PDLIM5: variants seen among roughly 807,000 people sequenced by gnomAD.
PDLIM5 encodes PDZ and LIM domain protein 5.
In PDLIM5, 34 loss-of-function variants were observed where a neutral mutation model predicts 64.2. The observed-to-expected ratio is 0.53, with a 90% confidence interval of 0.40 to 0.71. The LOEUF (loss-of-function observed/expected upper bound fraction) is 0.71, where lower values mean the gene tolerates loss of function less well. Among genes scored for constraint, PDLIM5 ranks in the 30% least tolerant of loss-of-function variants. The probability of loss-of-function intolerance (pLI) is 0.00; values close to 1 mark genes in which losing one functional copy is unlikely to be tolerated. For missense variants in PDLIM5, 683 were observed against 733.6 expected (o/e 0.93, Z 0.80); for synonymous variants, 253 against 269.1 (o/e 0.94, Z 0.59).
At chr4:94,479,792 C>T (rs1371196659) in intron 2 of PDLIM5, among the ~76,000 whole-genome samples, 1 of 152,126 alleles carries the variant, frequency 6.6e-6, no homozygotes, top group African/African-American at 2.4e-5. Context: ...TCTCTTCTCA[C>T]CCATATTGTC....
At chr4:94,524,073 A>G (rs1318141712) in intron 3 of PDLIM5, among the ~76,000 whole-genome samples, 198 bp downstream of exon 3, 1 of 152,164 alleles carries the variant, frequency 6.6e-6, no homozygotes, top group South Asian at 2.1e-4. Flanking sequence ...CCCCATCAAA[A>G]GGCATGTATT....
intron 7 of PDLIM5, chr4:94,586,957 CT>C (rs70946535): frequency 0.26 from 301,964 of 1,178,838 alleles, 3,394 homozygotes; most frequent in East Asian, 0.27. Context: ...TTCTATCACT[CT>C]TTTTTTTTTT....
chr4:94,522,961 C>T (rs1178308301), intron 2 of PDLIM5, among the ~76,000 whole-genome samples: 1 of 151,972 alleles, frequency 6.6e-6, no homozygotes, highest in East Asian at 1.9e-4. Context: ...AGTTCACTGT[C>T]ACTTAGTATA....
intron 3 of PDLIM5, among the ~76,000 whole-genome samples, chr4:94,546,104 A>G (rs1189246881): frequency 6.6e-6 from 1 of 152,190 alleles, no homozygotes; most frequent in African/African-American, 2.4e-5. Flanking sequence ...CATATTATAC[A>G]AATGATGGAT....
intron 2 of PDLIM5, among the ~76,000 whole-genome samples, chr4:94,496,083 T>G (rs1727368608): frequency 6.6e-6 from 1 of 151,908 alleles, no homozygotes; most frequent in African/African-American, 2.4e-5. Flanking sequence ...AAAACAAGGT[T>G]TGGCATTGTA....
intron 3 of PDLIM5, among the ~76,000 whole-genome samples, chr4:94,570,750 G>A (rs995215292): frequency 1.3e-5 from 2 of 152,070 alleles, no homozygotes; most frequent in African/African-American, 4.8e-5. Context: ...GATTAATGAT[G>A]TACCCTAGTG....
chr4:94,618,254 C>A, intron 8 of PDLIM5, 63 bp downstream of exon 8: 2 of 1,139,248 alleles, frequency 1.8e-6, no homozygotes, highest in Non-Finnish European at 2.5e-6. Flanking sequence ...AAAATGTGTT[C>A]TGGGATATAT....
At chr4:94,483,515 C>T (rs1726056105) in intron 2 of PDLIM5, among the ~76,000 whole-genome samples, 1 of 152,028 alleles carries the variant, frequency 6.6e-6, no homozygotes, top group South Asian at 2.1e-4. Context: ...AAGGTCCATA[C>T]TTTTGGATGG....
At chr4:94,607,970 C>A in intron 7 of PDLIM5, 3 of 839,786 alleles carry the variant, frequency 3.6e-6, no homozygotes, top group Non-Finnish European at 5.2e-6. Context: ...AACTAGTAGA[C>A]ATTTAAAAGA....
intron 3 of PDLIM5, among the ~76,000 whole-genome samples, chr4:94,554,642 A>G (rs569066098): frequency 6.4e-4 from 98 of 152,338 alleles, no homozygotes; most frequent in Non-Finnish European, 1.3e-3. Flanking sequence ...AATTTTGACA[A>G]ATGCATATGA....
At chr4:94,513,661 T>C (rs1729094209) in intron 2 of PDLIM5, among the ~76,000 whole-genome samples, 1 of 152,248 alleles carries the variant, frequency 6.6e-6, no homozygotes, top group Non-Finnish European at 1.5e-5. Flanking sequence ...TCATATCATC[T>C]GCAAATAAGG....
rs550868942 is a variant in PDLIM5 at position 94,570,890 on chromosome 4, A to G, written c.249-2461A>G. On this transcript the variant is annotated intron_variant, in intron 3 of 12. Transcript: ENST00000317968. ...GTGTGATTGTTTACGAGTTAAGTAT[A>G]TTAGATGCTTGAGGGAGTCACCAAG... Among the ~76,000 whole-genome samples, 17 of 152,310 alleles carry G rather than the reference A, an allele frequency of 1.1e-4. No homozygotes were observed. The South Asian group carries it at 3.3e-3, about 30-fold the overall frequency.
rs151283615 is a variant in PDLIM5 at position 94,594,954 on chromosome 4, A to G, written c.920+8510A>G. Reference sequence around the variant, plus strand: ...AATTTATGAGGAAGCGGTTTGATTGACTCATAGTTCCACAGGCTTAACAGG... The same window carrying G: ...AATTTATGAGGAAGCGGTTTGATTGGCTCATAGTTCCACAGGCTTAACAGG... On this transcript the variant is annotated intron_variant, in intron 7 of 12. Transcript: ENST00000317968. 7.2e-5 allele frequency among the ~76,000 whole-genome samples: 11 copies of G among 152,226 alleles called. No homozygotes were observed. In the East Asian group the frequency reaches 1.5e-3, roughly 21 times the overall value.
intron 2 of PDLIM5, among the ~76,000 whole-genome samples, chr4:94,462,494 C>T (rs1305112003): frequency 6.6e-6 from 1 of 151,556 alleles, no homozygotes. Context: ...TATTGATAGA[C>T]AATTAGATTT....
At chr4:94,555,097 A>T (rs1280848337) in intron 3 of PDLIM5, among the ~76,000 whole-genome samples, 3 of 152,080 alleles carry the variant, frequency 2.0e-5, no homozygotes, top group Non-Finnish European at 4.4e-5. Context: ...CTGTTGCCCC[A>T]GCTGGAGTGC....
chr4:94,622,253 G>A (rs909796230), intron 8 of PDLIM5, among the ~76,000 whole-genome samples: 5 of 150,546 alleles, frequency 3.3e-5, no homozygotes, highest in Non-Finnish European at 5.9e-5. Context: ...AGGTGATAGC[G>A]GATTCATCAT....
chr4:94,590,797 A>G (rs1736618302), intron 7 of PDLIM5, among the ~76,000 whole-genome samples: 1 of 152,206 alleles, frequency 6.6e-6, no homozygotes, highest in African/African-American at 2.4e-5. Flanking sequence ...GTACATAGAC[A>G]AAACACTTAT....
intron 2 of PDLIM5, chr4:94,456,486 C>T (rs750689512): frequency 4.3e-6 from 3 of 702,724 alleles, no homozygotes; most frequent in Admixed American, 2.0e-5. Context: ...GCGTGAGCCA[C>T]CGTGCCTGGC....
In PDLIM5 at chr4:94,654,510, A is replaced by G. The variant is rs145633341; in HGVS notation, c.1334A>G (p.Asn445Ser). ...LGKSWHPEEF[N>S]CAHCKNTMAY... Reference sequence around the variant, plus strand: ...AAATCTTGGCACCCAGAAGAATTCAACTGCGCTCACTGCAAAAATACAATG... The same window carrying G: ...AAATCTTGGCACCCAGAAGAATTCAGCTGCGCTCACTGCAAAAATACAATG... Residue 445 changes from asparagine to serine, a missense_variant, in exon 10 of 13, where the codon AAC becomes AGC. Physicochemically the swap from Asn to Ser is conservative, Grantham distance 46. Transcript: ENST00000317968. The G allele has an allele frequency of 1.5e-4, 246 of 1,612,350 alleles. No homozygotes were observed. Among genetic ancestry groups the G allele is most frequent in the East Asian group, 2.7e-4 (12 of 44,874 alleles).
Sources: gnomAD v4.1 joint callset for allele counts (sites outside exome capture counted in the v4.1 genomes callset) on GRCh38, gnomAD v4.1.1 for gene constraint, MANE v1.5 for transcripts, NCBI Gene and HGNC (gene_info 2026-07-23, HGNC 2026-07-21) for gene names.